CUL7: variants seen among roughly 807,000 people sequenced by gnomAD.
The protein encoded by CUL7 is cullin 7.
In CUL7, 96 loss-of-function variants were observed where a neutral mutation model predicts 177.7. The observed-to-expected ratio is 0.54, with a 90% CI of 0.46 to 0.64. The LOEUF is 0.64. CUL7 is among the 30% of genes least tolerant of loss of function. The probability of loss-of-function intolerance (pLI) is 0.00; values close to 1 mark genes in which losing one functional copy is unlikely to be tolerated. For synonymous variants in CUL7, 824 were observed against 890.2 expected, an observed-to-expected ratio of 0.93 and a Z score of 1.32; for missense variants, 1,893 against 2,187.9, an observed-to-expected ratio of 0.87 and a Z score of 2.69.
Position 43,045,106 on chromosome 6 carries a change from G to T in CUL7, c.3038+121C>A. 1 of 1,403,334 alleles carries T rather than the reference G, an allele frequency of 7.1e-7. No individual in the cohort carries two copies. Among genetic ancestry groups the T allele is most frequent in the Non-Finnish European group, 9.8e-7 (1 of 1,019,790 alleles). The allele number at this position is 1,403,334 out of a possible 1,614,324, so 86.9% of individuals were successfully genotyped here. A position where few individuals can be genotyped will look rare whatever the true frequency, so the allele number is the denominator to read the frequency against. On this transcript the variant is annotated intron_variant, in intron 15 of 25. Coordinates refer to ENST00000265348, the MANE Select transcript of CUL7 (RefSeq NM_014780.5). This position sits in a 1 kb window ranked among gnomAD's most constrained non-coding sequence, Gnocchi z 4.8. ...CCCTCCCACAGCTCAGAAAACTCCA[G>T]CCCCCTCCCCACGCATATTAAACCT...
Position 43,053,697 on chromosome 6 carries a change from G to A in CUL7, c.-84C>T. 7.1e-7 allele frequency: 1 copy of A among 1,416,370 alleles called. No individual in the cohort carries two copies. The highest frequency in any genetic ancestry group is 9.2e-7 in the Non-Finnish European group (1 of 1,090,808). 87.7% of individuals were successfully genotyped at this position (1,416,370 alleles called of 1,614,324 possible). Reference sequence around the variant, plus strand: ...GGGACGCGGCACAGACGCTGGCGGCGACTTGGGCCCCACCTGGGCCCCGCG... The same window carrying A: ...GGGACGCGGCACAGACGCTGGCGGCAACTTGGGCCCCACCTGGGCCCCGCG... On this transcript the variant is annotated 5_prime_UTR_variant, in exon 1 of 26. Coordinates refer to ENST00000265348, the MANE Select transcript of CUL7 (RefSeq NM_014780.5). This position sits in a 1 kb window ranked among gnomAD's most constrained non-coding sequence, Gnocchi z 4.1.
In CUL7 at chr6:43,037,756, G is replaced by A. The variant is rs775022798; in HGVS notation, c.5029C>T (p.Gln1677Ter). The A allele has an allele frequency of 3.8e-6, 6 of 1,583,698 alleles. No individual in the cohort carries two copies. In the South Asian group the frequency reaches 4.6e-5, roughly 12 times the overall value. The change falls in exon 26 of 26, where the codon CAG becomes TAG. Residue 1677 changes from glutamine (Q) to a stop codon, truncating the protein, a stop_gained. Coordinates refer to ENST00000265348, the MANE Select transcript of CUL7 (RefSeq NM_014780.5). LOFTEE classifies it high-confidence loss of function. The stretch of plus-strand genomic sequence containing the variant: ...TAGGGCACACCCCGGGAGCGAATCT[G>A]TAGGGTATGGAAGGTGAGGGGTGGG... ...PNPPLTFHTL[Q>*]IRSRGVPYAS...
rs752447374 is a variant in CUL7 at position 43,039,004 on chromosome 6, G to T, written c.4295-17C>A. 2 of 1,582,200 alleles carry T rather than the reference G, an allele frequency of 1.3e-6. No homozygotes were observed. The highest frequency in any genetic ancestry group is 1.1e-5 in the South Asian group (1 of 90,520). ...GGCTCTGACCTGGACCAGGAAGGGG[G>T]AGGGAGACAAAGAGCAGGTGAAAGG... On this transcript the variant is annotated splice_polypyrimidine_tract_variant and intron_variant, in intron 22 of 25. Coordinates refer to ENST00000265348, the MANE Select transcript of CUL7 (RefSeq NM_014780.5).
intron 10 of CUL7, 97 bp from the exon 11 acceptor site, chr6:43,046,698 G>T (rs774619428): frequency 1.9e-6 from 3 of 1,546,666 alleles, no homozygotes; most frequent in Admixed American, 1.8e-5. Context: ...GCAGCAGTGG[G>T]ACTTCCTCTA....
chr6:43,042,730 T>A, intron 19 of CUL7, 72 bp downstream of exon 19: 1 of 940,234 alleles, frequency 1.1e-6, no homozygotes, highest in Non-Finnish European at 1.7e-6. Flanking sequence ...GAAGGGTGGG[T>A]CATTTGGAGG....
In CUL7 at chr6:43,042,856, C is replaced by T; in HGVS notation, c.3591G>A (p.Leu1197=). Residue 1197 remains leucine, a synonymous_variant, in exon 19 of 26, where the codon CTG becomes CTA. Transcript: ENST00000265348. The stretch of plus-strand genomic sequence containing the variant: ...GCAAGGCTCCCGCACAGCCATTTTG[C>T]AGCGCCAGCAAGAAGGCTGCCCGAG... ...FGPRAAFLLA[L]QNGCAGALLK... 6.2e-7 allele frequency: 1 copy of T among 1,613,732 alleles called. No homozygotes were observed. Among genetic ancestry groups the T allele is most frequent in the Admixed American group, 1.7e-5 (1 of 59,968 alleles).
At chr6:43,041,700 A>G (rs1363610851) in intron 19 of CUL7, among the ~76,000 whole-genome samples, 1 of 145,748 alleles carries the variant, frequency 6.9e-6, no homozygotes, top group Admixed American at 6.8e-5. Flanking sequence ...AGGGAAGGGA[A>G]GGGGAAGGGA....
In CUL7 at chr6:43,040,684, T is replaced by C. The variant is rs954162482; in HGVS notation, c.3869A>G (p.Glu1290Gly). Residue 1290 changes from glutamate to glycine, a missense_variant, in exon 21 of 26, where the codon GAG becomes GGG. Physicochemically the swap from Glu to Gly is moderately conservative, Grantham distance 98. Transcript: ENST00000265348. This position sits in a 1 kb window ranked among gnomAD's most constrained non-coding sequence, Gnocchi z 4.2. ...VSSWLEGAVL[E>G]QIGPCFPNRL... ...GTTGGGGAAGCAGGGACCGATCTGC[T>C]CCAGCACGGCCCCCTCCAGCCAGCT... The C allele has an allele frequency of 1.2e-6, 2 of 1,614,076 alleles. No individual in the cohort carries two copies. Among genetic ancestry groups the C allele is most frequent in the Non-Finnish European group, 1.7e-6 (2 of 1,180,012 alleles).
chr6:43,051,482 C>T lies in CUL7; in HGVS notation c.733-14G>A. 6 of 1,614,044 alleles carry T rather than the reference C, an allele frequency of 3.7e-6. No individual in the cohort carries two copies. The highest frequency in any genetic ancestry group is 5.1e-6 in the Non-Finnish European group (6 of 1,180,002). ...CCTTCCTGGGACCTGTGGGATACAACCTTTGGCCTATATCCACCTTGTCCC... is the reference window on the plus strand; with the variant it reads ...CCTTCCTGGGACCTGTGGGATACAATCTTTGGCCTATATCCACCTTGTCCC... On this transcript the variant is annotated splice_polypyrimidine_tract_variant and intron_variant, in intron 3 of 25. Coordinates refer to ENST00000265348, the MANE Select transcript of CUL7 (RefSeq NM_014780.5). This position sits in a 1 kb window ranked among gnomAD's most constrained non-coding sequence, Gnocchi z 5.0.
rs1385032416 is a variant in CUL7 at position 43,050,411 on chromosome 6, G to A, written c.1234-13C>T. The stretch of plus-strand genomic sequence containing the variant: ...ACTCCCAAAATACCTGGAGCATAGG[G>A]AAAGAAAGAGGGAAGGGGAAGGGAG... On this transcript the variant is annotated splice_polypyrimidine_tract_variant and intron_variant, in intron 4 of 25. Coordinates refer to ENST00000265348, the MANE Select transcript of CUL7 (RefSeq NM_014780.5). This position sits in a 1 kb window ranked among gnomAD's most constrained non-coding sequence, Gnocchi z 4.1. The A allele has an allele frequency of 6.2e-7, 1 of 1,614,002 alleles. No homozygotes were observed.
chr6:43,052,751 G>T lies in CUL7; in HGVS notation c.38C>A (p.Pro13His), dbSNP rs771719576. Reference sequence around the variant, plus strand: ...ATAGGCATGTAAGCCGGGCCCCAGGGGCACCCTGAATTCCCTGTAGCGGAG... The same window carrying T: ...ATAGGCATGTAAGCCGGGCCCCAGGTGCACCCTGAATTCCCTGTAGCGGAG... ...GELRYREFRV[P>H]LGPGLHAYPD... Residue 13 changes from proline to histidine, a missense_variant, in exon 2 of 26, where the codon CCC becomes CAC. By Grantham distance (77) the Pro-to-His change is moderately conservative. Around this residue, in one of 5 missense-constraint regions of CUL7, gnomAD observed 653 missense variants for 725.2 expected, o/e 0.90. Coordinates refer to ENST00000265348, the MANE Select transcript of CUL7 (RefSeq NM_014780.5). The surrounding 1 kb of genome is among the most constrained non-coding windows in gnomAD (Gnocchi z 4.5). 6.2e-7 allele frequency: 1 copy of T among 1,609,802 alleles called. No homozygotes were observed. The highest frequency in any genetic ancestry group is 8.5e-7 in the Non-Finnish European group (1 of 1,180,022).
Position 43,045,325 on chromosome 6 carries a change from C to A in CUL7, c.2940G>T (p.Gln980His). The A allele has an allele frequency of 6.2e-7, 1 of 1,614,244 alleles. No homozygotes were observed. The highest frequency in any genetic ancestry group is 8.5e-7 in the Non-Finnish European group (1 of 1,180,048). Residue 980 changes from glutamine (Q) to histidine (H), a missense_variant, in exon 15 of 26, where the codon CAG becomes CAT. Gln to His is a conservative substitution (Grantham distance 24). Coordinates refer to ENST00000265348, the MANE Select transcript of CUL7 (RefSeq NM_014780.5). The surrounding 1 kb of genome is among the most constrained non-coding windows in gnomAD (Gnocchi z 4.8). ...AGAAGAGGCGTGTGTGACGACAGAG[C>A]TGCTCCCGGAACACTGGCCAGAACG... ...KPTFWPVFRE[Q>H]LCRHTRLFYM...
At chr6:43,044,607 T>A in intron 16 of CUL7, 145 bp downstream of exon 16, 1 of 1,171,464 alleles carries the variant, frequency 8.5e-7, no homozygotes, top group Non-Finnish European at 1.2e-6. Flanking sequence ...GCCCCTGGGC[T>A]GTGAGAAGAC....
chr6:43,043,384 G>A lies in CUL7; in HGVS notation c.3355+64C>T, dbSNP rs1265912236. ...ATGGGGATGGACAGAAGCCTGTGGT[G>A]TACACATGGGGCCCAGGAAAACGCT... On this transcript the variant is annotated intron_variant, in intron 17 of 25. Transcript: ENST00000265348. This position sits in a 1 kb window ranked among gnomAD's most constrained non-coding sequence, Gnocchi z 4.2. 2 of 1,511,018 alleles carry A rather than the reference G, an allele frequency of 1.3e-6. No homozygotes were observed. Among genetic ancestry groups the A allele is most frequent in the African/African-American group, 1.4e-5 (1 of 72,720 alleles). The allele number at this position is 1,511,018 out of a possible 1,614,324, so 93.6% of individuals were successfully genotyped here.
chr6:43,040,970 CT>C lies in CUL7; in HGVS notation c.3750del (p.Ala1251LeufsTer3). ...TCCAAGCCGGAGAAAATCAGGACAG[CT>C]TGCAGGCATTGCTGCAGCTGTGCCA... is the stretch of plus-strand genomic sequence containing the variant. ...ERLAQLQQCL[Q>X]AVLIFSGLEI... is the part of the protein sequence containing the mutation. On this transcript the variant is annotated frameshift_variant, in exon 20 of 26. Transcript: ENST00000265348. LOFTEE classifies it high-confidence loss of function. This position sits in a 1 kb window ranked among gnomAD's most constrained non-coding sequence, Gnocchi z 4.2. The C allele has an allele frequency of 1.9e-6, 3 of 1,613,430 alleles. No individual in the cohort carries two copies. Among genetic ancestry groups the C allele is most frequent in the Non-Finnish European group, 2.5e-6 (3 of 1,179,708 alleles).
Position 43,052,090 on chromosome 6 carries a change from G to T in CUL7, c.580+119C>A. On this transcript the variant is annotated intron_variant, in intron 2 of 25. Coordinates refer to ENST00000265348, the MANE Select transcript of CUL7 (RefSeq NM_014780.5). The surrounding 1 kb of genome is among the most constrained non-coding windows in gnomAD (Gnocchi z 4.5). ...TCCTTTTCTTCCAACTCTAAGAGAAGGGCAACAGAATCATTTACGTACTGA... is the reference window on the plus strand; with the variant it reads ...TCCTTTTCTTCCAACTCTAAGAGAATGGCAACAGAATCATTTACGTACTGA... 1 of 1,530,574 alleles carries T rather than the reference G, an allele frequency of 6.5e-7. No homozygotes were observed. The highest frequency in any genetic ancestry group is 8.8e-7 in the Non-Finnish European group (1 of 1,135,458). The allele number at this position is 1,530,574 out of a possible 1,614,324, so 94.8% of individuals were successfully genotyped here. A position where few individuals can be genotyped will look rare whatever the true frequency, so the allele number is the denominator to read the frequency against.
rs1763159535 is a variant in CUL7, at chr6:43,038,680, C to T, written c.4453G>A (p.Glu1485Lys). ...AGCCCTGAGAACGCCAGCAGACTCT[C>T]CACAGAGACCGCCTTCAGAGAACAG... ...YLNDLKAVSV[E>K]SLLAFSGLSA... The change falls in exon 24 of 26, where the codon GAG becomes AAG. Residue 1485 changes from glutamate to lysine, a missense_variant. Glu to Lys is a moderately conservative substitution (Grantham distance 56). This residue lies in a region of CUL7 where 16 missense variants were observed against 40.0 expected (regional missense o/e 0.40). Coordinates refer to ENST00000265348, the MANE Select transcript of CUL7 (RefSeq NM_014780.5). 1.2e-6 allele frequency: 2 copies of T among 1,613,974 alleles called. No individual in the cohort carries two copies. The highest frequency in any genetic ancestry group is 1.7e-6 in the Non-Finnish European group (2 of 1,180,018).
Position 43,050,071 on chromosome 6 carries a change from T to A in CUL7, c.1461A>T (p.Glu487Asp). ...CCCACCACTCAGCCAGGGTCAGGTGTTCACACTCCTCAGTGTCCTCATCCT... is the reference window on the plus strand; with the variant it reads ...CCCACCACTCAGCCAGGGTCAGGTGATCACACTCCTCAGTGTCCTCATCCT... ...LPEDEDTEEC[E>D]HLTLAEWWEL... The change falls in exon 6 of 26, where the codon GAA becomes GAT. Residue 487 changes from glutamate to aspartate, a missense_variant. By Grantham distance (45) the Glu-to-Asp change is conservative. Around this residue, in one of 5 missense-constraint regions of CUL7, gnomAD observed 653 missense variants for 725.2 expected, o/e 0.90. Coordinates refer to ENST00000265348, the MANE Select transcript of CUL7 (RefSeq NM_014780.5). This position sits in a 1 kb window ranked among gnomAD's most constrained non-coding sequence, Gnocchi z 4.1. The A allele has an allele frequency of 1.2e-6, 2 of 1,614,170 alleles. No individual in the cohort carries two copies. The highest frequency in any genetic ancestry group is 2.7e-5 in the African/African-American group (2 of 75,034).
rs749170287 is a variant in CUL7 at position 43,043,109 on chromosome 6, G to C, written c.3427C>G (p.Leu1143Val). ...RGLPSSIMRN[L>V]TRCWRAVVEK... The stretch of plus-strand genomic sequence containing the variant: ...ACCACGGCCCGCCAACAGCGCGTCA[G>C]GTTTCTCATGATGCTGCTTGGAAGG... The change falls in exon 18 of 26, where the codon CTG (leucine) becomes GTG (valine). Residue 1143 changes from leucine (L) to valine (V), a missense_variant. Physicochemically the swap from Leu to Val is conservative, Grantham distance 32 (BLOSUM62 1). This residue lies in a region of CUL7 where 973 missense variants were observed against 1,140.9 expected (regional missense o/e 0.85). Coordinates refer to ENST00000265348, the MANE Select transcript of CUL7 (RefSeq NM_014780.5). The surrounding 1 kb of genome is among the most constrained non-coding windows in gnomAD (Gnocchi z 4.2). 1.2e-6 allele frequency: 2 copies of C among 1,614,146 alleles called. No homozygotes were observed. Among genetic ancestry groups the C allele is most frequent in the Non-Finnish European group, 1.7e-6 (2 of 1,180,034 alleles).
Sources: gnomAD v4.1 joint callset for allele counts (sites outside exome capture counted in the v4.1 genomes callset) on GRCh38, gnomAD v4.1.1 for gene constraint, gnomAD v4.1.1 regional missense constraint, Gnocchi (gnomAD v3.1) non-coding constraint, MANE v1.5 for transcripts, NCBI Gene and HGNC (gene_info 2026-07-23, HGNC 2026-07-21) for gene names.